CADM2: variants seen among roughly 807,000 people sequenced by gnomAD.
The protein encoded by CADM2 is immunoglobulin superfamily member 4D.
Under a neutral mutation model 49.8 loss-of-function variants are expected in CADM2, and 12 were observed. The observed-to-expected ratio is 0.24, with a 90% CI of 0.15 to 0.39. The LOEUF is 0.39. CADM2 is among the 10% of genes least tolerant of loss of function. The pLI is 1.00. For synonymous variants in CADM2, 214 were observed against 175.4 expected, an observed-to-expected ratio of 1.22 and a Z score of -1.74; for missense variants, 378 against 492.3, an observed-to-expected ratio of 0.77 and a Z score of 2.20.
At chr3:85,913,927 C>G (rs538261078) in intron 6 of CADM2, among the ~76,000 whole-genome samples, 5 of 152,016 alleles carry the variant, frequency 3.3e-5, no homozygotes, top group Admixed American at 2.6e-4. Context: ...GTTTTTATTT[C>G]TAGGAATAGC....
intron 1 of CADM2, among the ~76,000 whole-genome samples, chr3:85,021,116 C>CAA (rs5850660): frequency 5.7e-4 from 49 of 85,934 alleles, no homozygotes; most frequent in African/African-American, 1.3e-3. Flanking sequence ...GACCCTGTCT[C>CAA]AAAAAAAAAA....
At chr3:85,591,003 C>A (rs1290810319) in intron 1 of CADM2, among the ~76,000 whole-genome samples, 1 of 150,452 alleles carries the variant, frequency 6.6e-6, no homozygotes, top group Non-Finnish European at 1.5e-5. Flanking sequence ...TAGAATAATT[C>A]TGGTTTGCAG....
At chr3:84,991,596 C>T (rs1046349685) in intron 1 of CADM2, among the ~76,000 whole-genome samples, 4 of 152,128 alleles carry the variant, frequency 2.6e-5, no homozygotes, top group African/African-American at 9.7e-5. Flanking sequence ...AATGGCATAG[C>T]CAGTTTCTTA....
chr3:86,039,772 G>A (rs894415961), intron 8 of CADM2, among the ~76,000 whole-genome samples: 3 of 152,302 alleles, frequency 2.0e-5, no homozygotes, highest in South Asian at 4.1e-4. Flanking sequence ...TCTGACAACA[G>A]ACAGACTACC....
At chr3:85,408,881 A>G (rs2035527995) in intron 1 of CADM2, among the ~76,000 whole-genome samples, 1 of 152,204 alleles carries the variant, frequency 6.6e-6, no homozygotes, top group Non-Finnish European at 1.5e-5. Flanking sequence ...CAAGGGCAAA[A>G]TATTAAAGCC....
At chr3:85,032,215 G>T (rs1387286223) in intron 1 of CADM2, among the ~76,000 whole-genome samples, 62 of 147,522 alleles carry the variant, frequency 4.2e-4, no homozygotes, top group African/African-American at 1.1e-3. Flanking sequence ...CCAGTTACTG[G>T]TTTTTTTTTT....
chr3:85,268,661 G>A (rs990784336), intron 1 of CADM2, among the ~76,000 whole-genome samples: 1 of 151,232 alleles, frequency 6.6e-6, no homozygotes, highest in African/African-American at 2.4e-5. Context: ...TCAAAAAAAT[G>A]TAAGCAATTG....
At chr3:85,409,488 C>A (rs1030967677) in intron 1 of CADM2, among the ~76,000 whole-genome samples, 1 of 152,056 alleles carries the variant, frequency 6.6e-6, no homozygotes, top group Non-Finnish European at 1.5e-5. Context: ...GAGATATGGT[C>A]AGGGGCCATG....
At chr3:85,922,793 C>A (rs1719301069) in intron 6 of CADM2, among the ~76,000 whole-genome samples, 2 of 150,886 alleles carry the variant, frequency 1.3e-5, no homozygotes, top group Admixed American at 6.6e-5. Context: ...TTATAAAGAG[C>A]AATTAAAATA....
intron 1 of CADM2, among the ~76,000 whole-genome samples, chr3:85,070,993 A>AATAC (rs1464766353): frequency 6.8e-6 from 1 of 148,134 alleles, no homozygotes; most frequent in Non-Finnish European, 1.5e-5. Context: ...TGTCTCAATA[A>AATAC]ATAAATAAAT....
chr3:86,035,345 T>C (rs2107185215), intron 8 of CADM2, among the ~76,000 whole-genome samples: 1 of 152,120 alleles, frequency 6.6e-6, no homozygotes, highest in East Asian at 1.9e-4. Context: ...CCAAGAAATA[T>C]TTCTTGATCT....
At chr3:85,048,088 A>G (rs532981776) in intron 1 of CADM2, among the ~76,000 whole-genome samples, 1 of 152,170 alleles carries the variant, frequency 6.6e-6, no homozygotes, top group East Asian at 1.9e-4. Context: ...TTTTCAAGGA[A>G]CTCCCAATTT....
intron 1 of CADM2, among the ~76,000 whole-genome samples, chr3:85,122,473 A>G (rs936691491): frequency 6.6e-6 from 1 of 151,998 alleles, no homozygotes; most frequent in African/African-American, 2.4e-5. Context: ...TCTCCCTATC[A>G]CTTAAATATT....
intron 8 of CADM2, among the ~76,000 whole-genome samples, chr3:85,991,707 G>A (rs887863891): frequency 6.6e-6 from 1 of 151,984 alleles, no homozygotes; most frequent in Non-Finnish European, 1.5e-5. Flanking sequence ...TCATAATATG[G>A]CTGATATTCT....
intron 7 of CADM2, among the ~76,000 whole-genome samples, chr3:85,949,530 A>G (rs528804579): frequency 6.6e-6 from 1 of 151,432 alleles, no homozygotes; most frequent in South Asian, 2.1e-4. Context: ...GGTTGTCACC[A>G]AAACTCCTCT....
chr3:85,925,436 G>A (rs1187808442), intron 6 of CADM2, among the ~76,000 whole-genome samples: 3 of 152,116 alleles, frequency 2.0e-5, no homozygotes, highest in African/African-American at 4.8e-5. Flanking sequence ...ATAATTTTCA[G>A]TATTAAGAAA....
intron 1 of CADM2, among the ~76,000 whole-genome samples, chr3:85,214,985 C>T (rs987246338): frequency 5.7e-4 from 86 of 152,064 alleles, no homozygotes; most frequent in Non-Finnish European, 2.6e-4. Flanking sequence ...TGCAGGACAA[C>T]ATCTCCTTTA....
chr3:85,307,634 T>A (rs1188214734), intron 1 of CADM2, among the ~76,000 whole-genome samples: 1 of 151,772 alleles, frequency 6.6e-6, no homozygotes, highest in Non-Finnish European at 1.5e-5. Flanking sequence ...TAATGCTTTG[T>A]GATGTGAGAG....
intron 1 of CADM2, among the ~76,000 whole-genome samples, chr3:85,481,880 C>T (rs1242106366): frequency 2.7e-5 from 4 of 148,798 alleles, no homozygotes; most frequent in African/African-American, 9.9e-5. Context: ...TGATGTTATT[C>T]GTGTTCTTTA....
Sources: allele counts gnomAD v4.1 joint callset (sites outside exome capture counted in the v4.1 genomes callset), GRCh38; gene constraint gnomAD v4.1.1; transcripts MANE v1.5; gene names NCBI Gene and HGNC (gene_info 2026-07-23, HGNC 2026-07-21).